The following THSD4 variants were observed in gnomAD, a reference collection of about 807,000 sequenced individuals.
The protein encoded by THSD4 is thrombospondin type 1 domain containing 4.
A neutral mutation model predicts 119.0 loss-of-function variants in THSD4; 69 were observed. The ratio of observed to expected loss-of-function variants is 0.58; its 90% confidence interval spans 0.48 to 0.71. THSD4 has a LOEUF of 0.71. THSD4 is among the 30% of genes least tolerant of loss of function. The pLI is 0.00. For missense variants in THSD4, 1,393 were observed against 1,391.1 expected (o/e 1.00, Z -0.02); for synonymous variants, 524 against 540.4 (o/e 0.97, Z 0.42).
intron 7 of THSD4, among the ~76,000 whole-genome samples, chr15:71,621,658 C>T (rs2050420649): frequency 6.6e-6 from 1 of 152,154 alleles, no homozygotes; most frequent in African/African-American, 2.4e-5. Context: ...TGTTTGGACA[C>T]TAAAACTGTG....
At chr15:71,200,923 C>A (rs1190136082) in intron 3 of THSD4, among the ~76,000 whole-genome samples, 1 of 152,212 alleles carries the variant, frequency 6.6e-6, no homozygotes, top group East Asian at 1.9e-4. Context: ...ATGCCCCAAG[C>A]TGGCTTCCCT....
intron 7 of THSD4, among the ~76,000 whole-genome samples, chr15:71,595,884 A>G (rs1462169508): frequency 6.6e-6 from 1 of 152,242 alleles, no homozygotes; most frequent in Non-Finnish European, 1.5e-5. Flanking sequence ...AGTGACAGAA[A>G]GGGACTTGTG....
intron 7 of THSD4, among the ~76,000 whole-genome samples, chr15:71,600,725 C>G (rs2049990719): frequency 6.6e-6 from 1 of 151,618 alleles, no homozygotes; most frequent in South Asian, 2.1e-4. Context: ...TATTATCATG[C>G]CTGTCTTTTT....
At chr15:71,309,308 G>GA (rs1289158082) in intron 6 of THSD4, among the ~76,000 whole-genome samples, 1 of 152,050 alleles carries the variant, frequency 6.6e-6, no homozygotes, top group Non-Finnish European at 1.5e-5. Flanking sequence ...GTCTTCTTTG[G>GA]AAAAATACCT....
At chr15:71,403,183 G>A (rs1361761373) in intron 6 of THSD4, among the ~76,000 whole-genome samples, 14 of 152,008 alleles carry the variant, frequency 9.2e-5, no homozygotes, top group Admixed American at 8.5e-4. Context: ...TCTATCTCCT[G>A]GATCCCACAC....
Position 71,380,426 on chromosome 15 carries a change from C to A in THSD4, c.1016-31261C>A, listed in dbSNP as rs557551134. 3.9e-5 allele frequency among the ~76,000 whole-genome samples: 6 copies of A among 152,140 alleles called. No homozygotes were observed. In the South Asian group the frequency reaches 8.3e-4, roughly 21 times the overall value. Reference sequence around the variant, plus strand: ...TTTTTTATATTCTTGCTAATCTAGTCAAAATGAAACCGTTTGATGCTCAAT... The same window carrying A: ...TTTTTTATATTCTTGCTAATCTAGTAAAAATGAAACCGTTTGATGCTCAAT... On this transcript the variant is annotated intron_variant, in intron 6 of 17. Coordinates refer to ENST00000261862, the MANE Select transcript of THSD4 (RefSeq NM_024817.3).
In THSD4 at chr15:71,765,082, A is replaced by C; in HGVS notation, c.2652A>C (p.Ala884=). The C allele has an allele frequency of 6.2e-7, 1 of 1,614,278 alleles. No homozygotes were observed. The part of the protein sequence containing the change: ...QREVICVRKN[A]DTFEVLDPSE... ...AGGTGATTTGTGTTAGAAAGAATGC[A>C]GACACCTTTGAAGTGTTGGACCCCT... Residue 884 remains alanine, a synonymous_variant, in exon 16 of 18, where the codon GCA becomes GCC. Coordinates refer to ENST00000261862, the MANE Select transcript of THSD4 (RefSeq NM_024817.3).
At chr15:71,617,776 G>C (rs2050345242) in intron 7 of THSD4, among the ~76,000 whole-genome samples, 1 of 152,222 alleles carries the variant, frequency 6.6e-6, no homozygotes, top group Admixed American at 6.5e-5. Context: ...TTGCTGAGCT[G>C]CCTCTGCAAC....
At chr15:71,274,520 C>T (rs1284997042) in intron 6 of THSD4, among the ~76,000 whole-genome samples, 3 of 152,054 alleles carry the variant, frequency 2.0e-5, no homozygotes, top group African/African-American at 7.2e-5. Flanking sequence ...AGGAATGATT[C>T]CCTCCTCCCT....
intron 7 of THSD4, among the ~76,000 whole-genome samples, chr15:71,656,648 C>T (rs916728607): frequency 2.0e-5 from 3 of 152,192 alleles, no homozygotes; most frequent in African/African-American, 4.8e-5. Flanking sequence ...ACCCTCAACA[C>T]GACCTCCGAT....
intron 6 of THSD4, among the ~76,000 whole-genome samples, chr15:71,385,192 A>G (rs2046280322): frequency 6.6e-6 from 1 of 152,162 alleles, no homozygotes; most frequent in Admixed American, 6.5e-5. Flanking sequence ...AATTGCTCAT[A>G]TAAACTAGGA....
intron 7 of THSD4, among the ~76,000 whole-genome samples, chr15:71,613,461 G>A (rs899023507): frequency 2.0e-5 from 3 of 152,166 alleles, no homozygotes; most frequent in African/African-American, 4.8e-5. Context: ...GGAGGAGGAT[G>A]TATGGGTTTA....
chr15:71,731,463 G>T lies in THSD4; in HGVS notation c.1630+246G>T, dbSNP rs549767941. On this transcript the variant is annotated intron_variant, in intron 10 of 17. Transcript: ENST00000261862. ...TGAGCATCCTGGGTCTGCCCTGCCA[G>T]TTCAACATTTGAAATGCTTTATACT... The T allele has an allele frequency of 1.1e-3, 555 of 498,776 alleles. 1 individual carries two copies. The highest frequency in any genetic ancestry group is 1.9e-3 in the Non-Finnish European group (511 of 272,820). 30.9% of individuals were successfully genotyped at this position (498,776 alleles called of 1,614,324 possible).
intron 6 of THSD4, among the ~76,000 whole-genome samples, chr15:71,290,159 A>G (rs560945335): frequency 2.6e-5 from 4 of 152,262 alleles, no homozygotes; most frequent in African/African-American, 9.6e-5. Context: ...TCTTGTTACT[A>G]CATAGTGCTG....
rs533937411 is a variant in THSD4, at chr15:71,181,631, T to G, written c.99+26699T>G. On this transcript the variant is annotated intron_variant, in intron 3 of 17. Transcript: ENST00000261862. ...TCAATGCTTATGGACTTCTCCACTG[T>G]GGACAGAGTCCCTCTTTGCCATCCC... is the stretch of plus-strand genomic sequence containing the variant. 4.6e-5 allele frequency among the ~76,000 whole-genome samples: 7 copies of G among 152,364 alleles called. No homozygotes were observed. The South Asian group carries it at 1.5e-3, about 32-fold the overall frequency.
chr15:71,697,937 T>C (rs1595872532), intron 8 of THSD4, among the ~76,000 whole-genome samples: 1 of 148,116 alleles, frequency 6.8e-6, no homozygotes, highest in Admixed American at 6.8e-5. Flanking sequence ...TTTATGGGGG[T>C]AGATAATAGA....
In THSD4 at chr15:71,608,222, C is replaced by CAAAAAAA. The variant is rs1220559216; in HGVS notation, c.1153-52298_1153-52292dup. Among the ~76,000 whole-genome samples, 101 of 46,716 alleles carry CAAAAAAA rather than the reference C, an allele frequency of 2.2e-3. 2 individuals carry two copies. In the East Asian group the frequency reaches 0.03, roughly 14 times the overall value. 30.6% of individuals were successfully genotyped at this position (46,716 alleles called of 152,430 possible). A position where few individuals can be genotyped will look rare whatever the true frequency, so the allele number is the denominator to read the frequency against. ...TGGGGGACAGAGCAAAACTCTGTCT[C>CAAAAAAA]AAAAAAAAAAAAAAAATATATATAT... On this transcript the variant is annotated intron_variant, in intron 7 of 17. Transcript: ENST00000261862.
At chr15:71,226,334 G>T (rs1287708841) in intron 4 of THSD4, among the ~76,000 whole-genome samples, 2 of 152,132 alleles carry the variant, frequency 1.3e-5, no homozygotes, top group Non-Finnish European at 2.9e-5. Context: ...ATAATTTGTT[G>T]TCTGTGTGTC....
intron 5 of THSD4, among the ~76,000 whole-genome samples, chr15:71,249,908 G>T (rs1017086477): frequency 6.6e-6 from 1 of 151,936 alleles, no homozygotes; most frequent in Non-Finnish European, 1.5e-5. Context: ...CACTCCTGCT[G>T]ATCTACACTA....
Sources: gnomAD v4.1 joint callset for allele counts (sites outside exome capture counted in the v4.1 genomes callset) on GRCh38, gnomAD v4.1.1 for gene constraint, MANE v1.5 for transcripts, NCBI Gene and HGNC (gene_info 2026-07-23, HGNC 2026-07-21) for gene names.